The following SLC22A15 variants were observed in gnomAD, a reference collection of about 807,000 sequenced individuals.
SLC22A15 encodes the protein solute carrier family 22 member 15.
SLC22A15 carries 45 observed loss-of-function variants against 62.7 expected under a neutral mutation model. The observed-to-expected ratio is 0.72, with a 90% CI of 0.56 to 0.92. SLC22A15 has a LOEUF of 0.92. Among genes scored for constraint, SLC22A15 ranks in the 40% least tolerant of loss-of-function variants. The probability of loss-of-function intolerance (pLI) is 0.00; values close to 1 mark genes in which losing one functional copy is unlikely to be tolerated. For missense variants in SLC22A15, 622 were observed against 665.6 expected, an observed-to-expected ratio of 0.93 and a Z score of 0.72; for synonymous variants, 264 against 267.0, an observed-to-expected ratio of 0.99 and a Z score of 0.11.
chr1:116,064,416 T>C lies in SLC22A15; in HGVS notation c.1293-20T>C. 6.2e-7 allele frequency: 1 copy of C among 1,602,802 alleles called. No individual in the cohort carries two copies. On this transcript the variant is annotated intron_variant, in intron 9 of 11. Coordinates refer to ENST00000369503, the MANE Select transcript of SLC22A15 (RefSeq NM_018420.3). ...TCCTCCGCTAGAACTTACTGATGTA[T>C]TTTTACTTATGCTTTTCAGGAATGT... is the stretch of plus-strand genomic sequence containing the variant.
intron 1 of SLC22A15, among the ~76,000 whole-genome samples, chr1:115,988,900 C>T (rs1655014510): frequency 1.3e-5 from 2 of 152,052 alleles, no homozygotes. Flanking sequence ...CTCATAGTAC[C>T]CCTTTCATAG....
chr1:116,048,919 C>T (rs1657990851), intron 8 of SLC22A15, among the ~76,000 whole-genome samples: 1 of 152,108 alleles, frequency 6.6e-6, no homozygotes, highest in Admixed American at 6.5e-5. Flanking sequence ...GCATTTCATG[C>T]AAATGGACAC....
At chr1:116,053,194 C>T (rs1361533848) in intron 8 of SLC22A15, among the ~76,000 whole-genome samples, 1 of 152,122 alleles carries the variant, frequency 6.6e-6, no homozygotes, top group African/African-American at 2.4e-5. Flanking sequence ...ATAACCAATA[C>T]AGAGAAGTGC....
chr1:116,031,890 C>CA (rs1452106244), intron 6 of SLC22A15: 58 of 1,132,526 alleles, frequency 5.1e-5, no homozygotes, highest in Non-Finnish European at 6.0e-5. Context: ...CCTTCCCCTG[C>CA]AAAAAAGGAA....
intron 2 of SLC22A15, among the ~76,000 whole-genome samples, chr1:116,008,665 C>T (rs1656103342): frequency 6.6e-6 from 1 of 152,172 alleles, no homozygotes. Context: ...CAGTCACCTG[C>T]TTGAGAGTGC....
chr1:116,027,840 G>A (rs930438859), intron 5 of SLC22A15, among the ~76,000 whole-genome samples: 6 of 152,126 alleles, frequency 3.9e-5, no homozygotes, highest in African/African-American at 1.4e-4. Flanking sequence ...GGTCAGGCTG[G>A]TCTCGAACTT....
chr1:115,997,737 A>G (rs910174914), intron 2 of SLC22A15, among the ~76,000 whole-genome samples: 4 of 152,090 alleles, frequency 2.6e-5, no homozygotes, highest in East Asian at 1.9e-4. Flanking sequence ...ATCATCTGCA[A>G]ACAAGGGTAA....
At position 116,067,095 on chromosome 1, in the gene SLC22A15, A is replaced by C; in HGVS notation, c.1631A>C (p.Gln544Pro). 1.9e-6 allele frequency: 3 copies of C among 1,611,116 alleles called. No homozygotes were observed. Among genetic ancestry groups the C allele is most frequent in the Non-Finnish European group, 2.5e-6 (3 of 1,178,708 alleles). ...TTTTATGATGCAGATGAAGAGACTC[A>C]GATGATCAAGTGAAGAGCCCCAGAT... is the stretch of plus-strand genomic sequence containing the variant. ...EEFYDADEET[Q>P]MIK The change falls in exon 12 of 12, where the codon CAG becomes CCG. Residue 544 changes from glutamine (Q) to proline (P), a missense_variant. Coordinates refer to ENST00000369503, the MANE Select transcript of SLC22A15 (RefSeq NM_018420.3).
chr1:115,976,954 C>T (rs1654331899), intron 1 of SLC22A15, among the ~76,000 whole-genome samples: 1 of 152,158 alleles, frequency 6.6e-6, no homozygotes, highest in Admixed American at 6.5e-5. Flanking sequence ...GCCCTCCACC[C>T]CGCCACCTTG....
intron 2 of SLC22A15, among the ~76,000 whole-genome samples, chr1:116,002,965 A>G (rs934638149): frequency 3.3e-5 from 5 of 152,004 alleles, no homozygotes; most frequent in Non-Finnish European, 5.9e-5. Context: ...ACCTGAAGCC[A>G]ACATAAAACT....
intron 6 of SLC22A15, among the ~76,000 whole-genome samples, chr1:116,032,990 AG>A (rs1488927784): frequency 6.6e-6 from 1 of 152,212 alleles, no homozygotes; most frequent in African/African-American, 2.4e-5. Context: ...CCCTAGACTT[AG>A]GGCCAGGGAA....
rs1000193071 is a variant in SLC22A15, at chr1:116,069,654, C to T, written c.*2546C>T. ...CTGATTTTGTGAGTTACAACCACAGCCCAGTAAAACCAATACTTGTTATTT... is the reference window on the plus strand; with the variant it reads ...CTGATTTTGTGAGTTACAACCACAGTCCAGTAAAACCAATACTTGTTATTT... On this transcript the variant is annotated 3_prime_UTR_variant, in exon 12 of 12. Coordinates refer to ENST00000369503, the MANE Select transcript of SLC22A15 (RefSeq NM_018420.3). The T allele has an allele frequency of 3.3e-5, 5 of 152,010 alleles. No individual in the cohort carries two copies. Among genetic ancestry groups the T allele is most frequent in the African/African-American group, 1.2e-4 (5 of 41,420 alleles). The allele number at this position is 152,010 out of a possible 1,614,324, so 9.4% of individuals were successfully genotyped here.
chr1:115,976,736 G>A (rs1398188673), intron 1 of SLC22A15, 22 bp downstream of exon 1: 1 of 1,564,980 alleles, frequency 6.4e-7, no homozygotes, highest in Non-Finnish European at 8.7e-7. Context: ...CGGCCCCGCA[G>A]CCGCATTTCC....
chr1:115,991,080 T>C (rs1253180556), intron 1 of SLC22A15, among the ~76,000 whole-genome samples: 1 of 152,182 alleles, frequency 6.6e-6, no homozygotes, highest in Non-Finnish European at 1.5e-5. Flanking sequence ...TCTAAGTTAA[T>C]AGGGATAGTT....
At position 115,983,426 on chromosome 1, in the gene SLC22A15, GTGTGTGTGTGTGTGCACGCGCACA is replaced by G. The variant is rs796620811; in HGVS notation, c.87+6722_87+6745del. Among the ~76,000 whole-genome samples, 265 of 151,718 alleles carry G rather than the reference GTGTGTGTGTGTGTGCACGCGCACA, an allele frequency of 1.7e-3. 1 individual carries two copies. The highest frequency in any genetic ancestry group is 5.9e-3 in the African/African-American group (245 of 41,446). On this transcript the variant is annotated intron_variant, in intron 1 of 11. Transcript: ENST00000369503. ...GAAGCAGGACCCCTAGGATGGAGAT[GTGTGTGTGTGTGTGCACGCGCACA>G]TGTGTGTGTATGTGTGTTTATGTAA...
chr1:116,019,836 GATCTTTATT>G, intron 3 of SLC22A15, 122 bp downstream of exon 3: 1 of 1,108,506 alleles, frequency 9.0e-7, no homozygotes, highest in Non-Finnish European at 1.2e-6. Context: ...ACACAGAACT[GATCTTTATT>G]ATCCTGGCAA....
chr1:116,024,974 G>A (rs1657018206), intron 4 of SLC22A15, among the ~76,000 whole-genome samples: 1 of 152,014 alleles, frequency 6.6e-6, no homozygotes, highest in South Asian at 2.1e-4. Context: ...TTCTGTGATA[G>A]ATTCAACAGG....
At chr1:116,017,273 A>C (rs149827710) in intron 2 of SLC22A15, among the ~76,000 whole-genome samples, 4 of 148,858 alleles carry the variant, frequency 2.7e-5, no homozygotes, top group Non-Finnish European at 4.4e-5. Context: ...TGGGAGGCTG[A>C]GGCAAGAAGA....
rs755658822 is a variant in SLC22A15, at chr1:115,976,588, G to A, written c.-40G>A. ...CGCTGGGCGGGAGGGCAGCGCCTGAGAGGGCGGTGGGGTGGCGGGGTTCCT... is the reference window on the plus strand; with the variant it reads ...CGCTGGGCGGGAGGGCAGCGCCTGAAAGGGCGGTGGGGTGGCGGGGTTCCT... On this transcript the variant is annotated 5_prime_UTR_variant, in exon 1 of 12. Coordinates refer to ENST00000369503, the MANE Select transcript of SLC22A15 (RefSeq NM_018420.3). 2 of 1,488,290 alleles carry A rather than the reference G, an allele frequency of 1.3e-6. No individual in the cohort carries two copies. The highest frequency in any genetic ancestry group is 1.8e-6 in the Non-Finnish European group (2 of 1,101,126). The allele number at this position is 1,488,290 out of a possible 1,614,324, so 92.2% of individuals were successfully genotyped here.
Sources: allele counts gnomAD v4.1 joint callset (sites outside exome capture counted in the v4.1 genomes callset), GRCh38; gene constraint gnomAD v4.1.1; transcripts MANE v1.5; gene names NCBI Gene and HGNC (gene_info 2026-07-23, HGNC 2026-07-21).